FAM120B: variants seen among roughly 807,000 people sequenced by gnomAD.
FAM120B encodes constitutive coactivator of peroxisome proliferator-activated receptor gamma.
Under a neutral mutation model 96.3 loss-of-function variants are expected in FAM120B, and 83 were observed. That is an observed-to-expected ratio of 0.86 (90% CI 0.72 to 1.03). The LOEUF (loss-of-function observed/expected upper bound fraction) is 1.03, where lower values mean the gene tolerates loss of function less well. FAM120B is among the 50% of genes least tolerant of loss of function. The pLI, the probability that FAM120B is intolerant of heterozygous loss-of-function variation, is 0.00. For missense variants in FAM120B, 1,027 were observed against 1,121.2 expected, an observed-to-expected ratio of 0.92 and a Z score of 1.20; for synonymous variants, 407 against 402.7, an observed-to-expected ratio of 1.01 and a Z score of -0.13.
At chr6:170,379,776 A>G (rs1190816872) in intron 6 of FAM120B, among the ~76,000 whole-genome samples, 1 of 152,250 alleles carries the variant, frequency 6.6e-6, no homozygotes, top group Non-Finnish European at 1.5e-5. Flanking sequence ...TCAGGCTGCC[A>G]TAAAGATTGA....
chr6:170,383,075 G>A (rs113022596), intron 6 of FAM120B, among the ~76,000 whole-genome samples: 5 of 148,604 alleles, frequency 3.4e-5, no homozygotes, highest in African/African-American at 1.0e-4. Context: ...TGTGACTGGA[G>A]CACTGGATAC....
intron 9 of FAM120B, among the ~76,000 whole-genome samples, chr6:170,398,194 C>T (rs1023977271): frequency 1.3e-5 from 2 of 152,260 alleles, no homozygotes; most frequent in Non-Finnish European, 2.9e-5. Flanking sequence ...GAAACCTTTC[C>T]ATCAGGCATC....
chr6:170,357,932 C>A (rs1011682829), intron 5 of FAM120B, among the ~76,000 whole-genome samples: 2 of 152,242 alleles, frequency 1.3e-5, no homozygotes, highest in Non-Finnish European at 2.9e-5. Context: ...AGGTCTGATG[C>A]ACCATGTGTG....
rs754781608 is a variant in FAM120B, at chr6:170,388,421, C to T, written c.2418C>T (p.Asp806=). The part of the protein sequence containing the change: ...TSDFMPWNVF[D]GKLFHQKYLQ... ...ATTTCATGCCCTGGAATGTATTTGA[C>T]GGGAAGCTTTTTCATCAGAAGTACT... The change falls in exon 7 of 11, where the codon GAC becomes GAT. Residue 806 remains aspartate, a synonymous_variant. Transcript: ENST00000476287. The T allele has an allele frequency of 5.1e-5, 83 of 1,613,984 alleles. No homozygotes were observed. The highest frequency in any genetic ancestry group is 1.6e-4 in the Middle Eastern group (1 of 6,084).
chr6:170,334,189 G>GA (rs1198220364), intron 4 of FAM120B, among the ~76,000 whole-genome samples: 1 of 152,034 alleles, frequency 6.6e-6, no homozygotes, highest in African/African-American at 2.4e-5. Flanking sequence ...AGAAACCTAG[G>GA]AAAACTAATG....
chr6:170,310,537 C>A (rs771150141), intron 1 of FAM120B, among the ~76,000 whole-genome samples: 27 of 152,280 alleles, frequency 1.8e-4, no homozygotes, highest in Non-Finnish European at 2.4e-4. Context: ...AAATCCTGCC[C>A]TCCTTGTTAA....
intron 1 of FAM120B, among the ~76,000 whole-genome samples, chr6:170,313,369 CATCA>C (rs1784710597): frequency 2.0e-5 from 3 of 152,150 alleles, no homozygotes; most frequent in Admixed American, 2.0e-4. Flanking sequence ...CATGGGGGAA[CATCA>C]CTGGGAGAGC....
In FAM120B at chr6:170,328,970, G is replaced by A. The variant is rs376107157; in HGVS notation, c.1916-1479G>A. Among the ~76,000 whole-genome samples, 16 of 152,332 alleles carry A rather than the reference G, an allele frequency of 1.1e-4. No individual in the cohort carries two copies. In the East Asian group the frequency reaches 2.7e-3, roughly 26 times the overall value. On this transcript the variant is annotated intron_variant, in intron 3 of 10. Transcript: ENST00000476287. ...AGCACAGCCCTACTCCTAAGGCAGG[G>A]CCTTCCAGGCTATCACCAGAGTGCC...
chr6:170,326,977 T>A (rs1187925794), intron 3 of FAM120B, among the ~76,000 whole-genome samples: 2 of 152,082 alleles, frequency 1.3e-5, no homozygotes, highest in Non-Finnish European at 2.9e-5. Context: ...ACTCCTGACC[T>A]CAAGATATCC....
At position 170,348,260 on chromosome 6, in the gene FAM120B, G is replaced by A. The variant is rs754985511; in HGVS notation, c.2127G>A (p.Glu709=). Residue 709 remains glutamate (E), a synonymous_variant, in exon 5 of 11, where the codon GAG becomes GAA. Transcript: ENST00000476287. Reference sequence around the variant, plus strand: ...TCAATCTTTCCTCCTCAAGAGAAGAGCTGCAGGCTGTCGAAAGCCCATTTC... The same window carrying A: ...TCAATCTTTCCTCCTCAAGAGAAGAACTGCAGGCTGTCGAAAGCCCATTTC... ...ACFNLSSSRE[E]LQAVESPFQA... The A allele has an allele frequency of 4.3e-6, 7 of 1,613,882 alleles. No homozygotes were observed. The South Asian group carries it at 4.4e-5, about 10-fold the overall frequency.
chr6:170,402,808 C>G (rs1196521806), intron 9 of FAM120B, among the ~76,000 whole-genome samples: 1 of 152,224 alleles, frequency 6.6e-6, no homozygotes, highest in African/African-American at 2.4e-5. Context: ...CACTTCTGTT[C>G]TGGTCACTTA....
chr6:170,311,711 G>A (rs1784607086), intron 1 of FAM120B, among the ~76,000 whole-genome samples: 1 of 152,170 alleles, frequency 6.6e-6, no homozygotes, highest in Non-Finnish European at 1.5e-5. Flanking sequence ...CATCTGTCTT[G>A]TTCATAGCTC....
intron 4 of FAM120B, among the ~76,000 whole-genome samples, chr6:170,340,941 C>T (rs558631483): frequency 6.6e-6 from 1 of 152,354 alleles, no homozygotes; most frequent in East Asian, 1.9e-4. Flanking sequence ...TGGGAGGTCT[C>T]TCCCAGTCAG....
chr6:170,354,188 T>G (rs759121137), intron 5 of FAM120B, among the ~76,000 whole-genome samples: 23 of 152,204 alleles, frequency 1.5e-4, no homozygotes, highest in Non-Finnish European at 2.6e-4. Context: ...CCCTCTTTAA[T>G]TAATGGTGCT....
At chr6:170,351,208 C>CT (rs990667527) in intron 5 of FAM120B, among the ~76,000 whole-genome samples, 5 of 152,120 alleles carry the variant, frequency 3.3e-5, no homozygotes, top group African/African-American at 9.7e-5. Context: ...AGCTCGAAGA[C>CT]TATCTTTCTG....
At chr6:170,358,354 A>G in intron 6 of FAM120B, 36 bp downstream of exon 6, 1 of 1,428,184 alleles carries the variant, frequency 7.0e-7, no homozygotes, top group East Asian at 2.3e-5. Flanking sequence ...ACTGCCCGGA[A>G]GACAGCTGTG....
intron 7 of FAM120B, among the ~76,000 whole-genome samples, chr6:170,390,309 C>G (rs777339942): frequency 1.3e-5 from 2 of 152,112 alleles, no homozygotes; most frequent in East Asian, 3.9e-4. Context: ...AAAAGCAGAA[C>G]AAGAGGAGAA....
At chr6:170,400,406 G>A (rs766245333) in intron 9 of FAM120B, among the ~76,000 whole-genome samples, 6 of 152,148 alleles carry the variant, frequency 3.9e-5, no homozygotes, top group Non-Finnish European at 7.4e-5. Flanking sequence ...TGACTCCTCT[G>A]GGAATGATAA....
intron 3 of FAM120B, among the ~76,000 whole-genome samples, chr6:170,324,446 A>T (rs1213086160): frequency 1.3e-5 from 2 of 152,216 alleles, no homozygotes; most frequent in African/African-American, 2.4e-5. Context: ...ATCATTTTTT[A>T]AAATTTCTGT....
Sources: gnomAD v4.1 joint callset for allele counts (sites outside exome capture counted in the v4.1 genomes callset) on GRCh38, gnomAD v4.1.1 for gene constraint, MANE v1.5 for transcripts, NCBI Gene and HGNC (gene_info 2026-07-23, HGNC 2026-07-21) for gene names.